Variants in USO1 observed in about 807,000 individuals in gnomAD.
USO1 encodes general vesicular transport factor p115.
Under a neutral mutation model 124.5 loss-of-function variants are expected in USO1, and 57 were observed. That is an observed-to-expected ratio of 0.46 (90% CI 0.37 to 0.57). The LOEUF is 0.57. USO1 is among the 20% of genes least tolerant of loss of function. USO1 has a pLI of 0.00. For synonymous variants in USO1, 369 were observed against 362.8 expected (o/e 1.02, Z -0.19); for missense variants, 900 against 1,040.6 (o/e 0.86, Z 1.86).
chr4:75,740,680 A>C (rs1351826936), intron 1 of USO1, among the ~76,000 whole-genome samples: 1 of 152,234 alleles, frequency 6.6e-6, no homozygotes, highest in Non-Finnish European at 1.5e-5. Flanking sequence ...TATATTCATA[A>C]ACCAGGTGAA....
chr4:75,801,079 G>T lies in USO1; in HGVS notation c.1865G>T (p.Gly622Val). The T allele has an allele frequency of 6.5e-7, 1 of 1,549,210 alleles. No individual in the cohort carries two copies. ...ATTTTAAATAAGCTTCCTTTTATAG[G>T]TGTTATAACTAAGGCTATTTATAAG... ...EFTKLVKELEGVITKAIYKSS... is the reference protein window; with the variant it reads ...EFTKLVKELEVVITKAIYKSS... The change falls in exon 17 of 24, where the codon GGT becomes GTT. Residue 622 changes from glycine to valine, a missense_variant and splice_region_variant. Physicochemically the swap from Gly to Val is moderately radical, Grantham distance 109. This residue lies in a region of USO1 where 538 missense variants were observed against 681.6 expected (regional missense o/e 0.79). Coordinates refer to ENST00000514213, the MANE Select transcript of USO1 (RefSeq NM_003715.4).
intron 3 of USO1, among the ~76,000 whole-genome samples, chr4:75,753,538 A>G (rs1721346870): frequency 6.6e-6 from 1 of 151,882 alleles, no homozygotes; most frequent in African/African-American, 2.4e-5. Flanking sequence ...CTGTCTCAAA[A>G]AAACAAAAAA....
intron 7 of USO1, among the ~76,000 whole-genome samples, chr4:75,773,572 C>T (rs918921768): frequency 1.3e-5 from 2 of 152,066 alleles, no homozygotes; most frequent in African/African-American, 4.8e-5. Flanking sequence ...TTTTGGGGAA[C>T]AGTGTTTGGG....
chr4:75,804,951 C>T, intron 18 of USO1, 189 bp from the exon 19 acceptor site: 1 of 645,570 alleles, frequency 1.5e-6, no homozygotes, highest in Non-Finnish European at 2.3e-6. Context: ...TGTTTTTTCT[C>T]CCAGAAATCT....
At chr4:75,764,224 G>C (rs1294147362) in intron 4 of USO1, among the ~76,000 whole-genome samples, 3 of 152,148 alleles carry the variant, frequency 2.0e-5, no homozygotes, top group Non-Finnish European at 4.4e-5. Context: ...ATTTGCTTGT[G>C]CCCAGTGCAA....
At chr4:75,804,667 A>G (rs1722944954) in intron 18 of USO1, among the ~76,000 whole-genome samples, 1 of 152,228 alleles carries the variant, frequency 6.6e-6, no homozygotes, top group African/African-American at 2.4e-5. Context: ...ATAGCTGATT[A>G]AGAATGACCG....
chr4:75,733,246 G>A (rs34868353), intron 1 of USO1, among the ~76,000 whole-genome samples: 7,461 of 151,872 alleles, frequency 0.049, 287 homozygotes, highest in Admixed American at 0.087. Context: ...GCAACACAGT[G>A]AGACTCTGTC....
At chr4:75,775,735 A>C (rs149904274) in intron 8 of USO1, among the ~76,000 whole-genome samples, 203 of 152,330 alleles carry the variant, frequency 1.3e-3, no homozygotes, top group African/African-American at 4.8e-3. Context: ...ACAGTAAGAC[A>C]AGAGAACATA....
chr4:75,767,445 TA>T, intron 4 of USO1: 1 of 447,756 alleles, frequency 2.2e-6, no homozygotes, highest in South Asian at 1.6e-5. Flanking sequence ...CTTTTTCTTT[TA>T]AAAGTTTGTA....
chr4:75,753,643 AG>A (rs1246305635), intron 3 of USO1, among the ~76,000 whole-genome samples: 1 of 152,116 alleles, frequency 6.6e-6, no homozygotes, highest in African/African-American at 2.4e-5. Context: ...ACTCGAGCCC[AG>A]GAAGTCAAGG....
chr4:75,774,958 A>G (rs1722034173), intron 8 of USO1, among the ~76,000 whole-genome samples, 162 bp downstream of exon 8: 2 of 152,032 alleles, frequency 1.3e-5, no homozygotes. Context: ...ATCCTGTTTC[A>G]TATTTGTTAG....
chr4:75,741,094 G>A (rs572383884), intron 1 of USO1, among the ~76,000 whole-genome samples: 60 of 152,278 alleles, frequency 3.9e-4, no homozygotes, highest in African/African-American at 1.3e-3. Flanking sequence ...AGATAGTATA[G>A]CCTACTATTC....
intron 10 of USO1, among the ~76,000 whole-genome samples, chr4:75,788,251 C>T (rs1314355175): frequency 6.7e-6 from 1 of 150,028 alleles, no homozygotes; most frequent in African/African-American, 2.4e-5. Context: ...CACTGCAACC[C>T]CCGCCTTCCG....
Position 75,787,179 on chromosome 4 carries a change from G to T in USO1, c.973G>T (p.Val325Phe). The change falls in exon 10 of 24, where the codon GTT (valine) becomes TTT (phenylalanine). Residue 325 changes from valine (V) to phenylalanine (F), a missense_variant. By Grantham distance (50) the Val-to-Phe change is conservative. Around this residue, in one of 2 missense-constraint regions of USO1, gnomAD observed 538 missense variants for 681.6 expected, o/e 0.79. Transcript: ENST00000514213. Reference sequence around the variant, plus strand: ...TTGTACTATCCTAATGGCTACTGGGGTTCCTGCTGATATCCTGACTGAGGT... The same window carrying T: ...TTGTACTATCCTAATGGCTACTGGGTTTCCTGCTGATATCCTGACTGAGGT... ...QLCTILMATG[V>F]PADILTETIN... The T allele has an allele frequency of 6.4e-7, 1 of 1,557,576 alleles. No individual in the cohort carries two copies. The highest frequency in any genetic ancestry group is 1.4e-5 in the African/African-American group (1 of 71,514).
At position 75,761,190 on chromosome 4, in the gene USO1, G is replaced by A. The variant is rs186282256; in HGVS notation, c.295+3617G>A. On this transcript the variant is annotated intron_variant, in intron 4 of 23. Coordinates refer to ENST00000514213, the MANE Select transcript of USO1 (RefSeq NM_003715.4). Reference sequence around the variant, plus strand: ...AATAAAAATTAAAGCTTTTTCTCTGGTAGGACAATTTATTCAAAATTACTT... The same window carrying A: ...AATAAAAATTAAAGCTTTTTCTCTGATAGGACAATTTATTCAAAATTACTT... Among the ~76,000 whole-genome samples the A allele has an allele frequency of 3.6e-3, 543 of 152,168 alleles. 3 individuals carry two copies. Among genetic ancestry groups the A allele is most frequent in the African/African-American group, 0.013 (528 of 41,528 alleles).
intron 4 of USO1, among the ~76,000 whole-genome samples, chr4:75,760,205 C>CT (rs1269827961): frequency 6.6e-6 from 1 of 152,042 alleles, no homozygotes; most frequent in African/African-American, 2.4e-5. Flanking sequence ...GAGGGAGACT[C>CT]TGTCTCAAAA....
intron 12 of USO1, among the ~76,000 whole-genome samples, chr4:75,792,451 C>T (rs1359250833): frequency 2.0e-5 from 3 of 152,132 alleles, no homozygotes; most frequent in East Asian, 1.9e-4. Flanking sequence ...GCAGGAGAAT[C>T]GCTTGAACTT....
At chr4:75,796,362 G>C (rs1722681200) in intron 13 of USO1, among the ~76,000 whole-genome samples, 1 of 28,150 alleles carries the variant, frequency 3.6e-5, no homozygotes, top group South Asian at 1.4e-3. Context: ...TTGAGACGGA[G>C]TCTCACTCCG....
chr4:75,759,264 T>TTTTTTTTTTTTTTTTC (rs1553898967), intron 4 of USO1, among the ~76,000 whole-genome samples: 6 of 145,498 alleles, frequency 4.1e-5, no homozygotes, highest in African/African-American at 1.6e-4. Flanking sequence ...TTTTTTTTTT[T>TTTTTTTTTTTTTTTTC]CTGAAAATTT....
Sources: gnomAD v4.1 joint callset for allele counts (sites outside exome capture counted in the v4.1 genomes callset) on GRCh38, gnomAD v4.1.1 for gene constraint, gnomAD v4.1.1 regional missense constraint, MANE v1.5 for transcripts, NCBI Gene and HGNC (gene_info 2026-07-23, HGNC 2026-07-21) for gene names.